Variants in STAU1 observed in about 807,000 individuals in gnomAD.
STAU1 encodes double-stranded RNA-binding protein Staufen homolog 1.
In STAU1, 13 loss-of-function variants were observed where a neutral mutation model predicts 62.9. The ratio of observed to expected loss-of-function variants is 0.21; its 90% CI spans 0.13 to 0.33. The LOEUF is 0.33. Among genes scored for constraint, STAU1 ranks in the 10% least tolerant of loss-of-function variants. STAU1 has a pLI of 1.00. For synonymous variants in STAU1, 269 were observed against 265.1 expected (o/e 1.01, Z -0.14); for missense variants, 571 against 712.1 (o/e 0.80, Z 2.25).
chr20:49,189,300 T>C (rs1176374181), upstream of STAU1, among the ~76,000 whole-genome samples: 6 of 149,588 alleles, frequency 4.0e-5, no homozygotes, highest in Non-Finnish European at 8.9e-5. Flanking sequence ...AAGTGGTTTT[T>C]AGCAGCTGTA....
At chr20:49,148,670 C>A (rs2093177915) in intron 5 of STAU1, among the ~76,000 whole-genome samples, 1 of 152,206 alleles carries the variant, frequency 6.6e-6, no homozygotes, top group Non-Finnish European at 1.5e-5. Flanking sequence ...GATTTAAACA[C>A]CACTCCCAGC....
At chr20:49,170,922 T>C (rs1239591124) in intron 2 of STAU1, among the ~76,000 whole-genome samples, 2 of 152,200 alleles carry the variant, frequency 1.3e-5, no homozygotes, top group Admixed American at 6.5e-5. Flanking sequence ...GATATACAGA[T>C]ACAAAGGAGC....
At chr20:49,216,129 C>G in the STAU1 span, among the ~76,000 whole-genome samples, 1 of 151,252 alleles carries the variant, frequency 6.6e-6, no homozygotes, top group South Asian at 2.1e-4. Context: ...GTGGCCCACA[C>G]CTATAGTTCC....
chr20:49,142,415 T>G (rs1305069003), intron 5 of STAU1, among the ~76,000 whole-genome samples: 3 of 152,148 alleles, frequency 2.0e-5, no homozygotes, highest in African/African-American at 4.8e-5. Flanking sequence ...AATAACAATT[T>G]ATACTAACGA....
upstream of STAU1, among the ~76,000 whole-genome samples, chr20:49,190,106 A>C (rs1006585172): frequency 5.9e-5 from 9 of 152,172 alleles, no homozygotes; most frequent in East Asian, 1.5e-3. Flanking sequence ...ACTTCCAAGC[A>C]GTGTGGATCC....
chr20:49,170,086 T>A (rs942217351), intron 2 of STAU1, among the ~76,000 whole-genome samples: 2 of 152,292 alleles, frequency 1.3e-5, no homozygotes, highest in Non-Finnish European at 2.9e-5. Flanking sequence ...AAGTTTTTTT[T>A]AAATTATACA....
At chr20:49,198,063 G>A in the STAU1 span, among the ~76,000 whole-genome samples, 1 of 151,904 alleles carries the variant, frequency 6.6e-6, no homozygotes, top group South Asian at 2.1e-4. Context: ...AAAACAAATG[G>A]GCAAAAGATC....
intron 9 of STAU1, 97 bp downstream of exon 9, chr20:49,119,885 G>C (rs2092423879): frequency 7.0e-7 from 1 of 1,427,518 alleles, no homozygotes; most frequent in Non-Finnish European, 9.5e-7. Flanking sequence ...CTGTCAGGCA[G>C]ATAAAGCCTT....
the STAU1 span, among the ~76,000 whole-genome samples, chr20:49,204,872 A>T: frequency 1.3e-5 from 2 of 150,386 alleles, no homozygotes; most frequent in South Asian, 2.1e-4. Flanking sequence ...CTGGTCTCAA[A>T]CTCCTGACCT....
At chr20:49,204,360 T>C in the STAU1 span, among the ~76,000 whole-genome samples, 2 of 151,862 alleles carry the variant, frequency 1.3e-5, no homozygotes, top group Non-Finnish European at 2.9e-5. Flanking sequence ...CTTCTGTGAC[T>C]TGTGTTTTTC....
the STAU1 span, among the ~76,000 whole-genome samples, chr20:49,198,642 C>G: frequency 6.6e-6 from 1 of 151,740 alleles, no homozygotes; most frequent in Admixed American, 6.6e-5. Context: ...CTAGCCTGGC[C>G]CACATGATAA....
chr20:49,135,992 G>T (rs922040055), intron 5 of STAU1, 61 bp from the exon 6 acceptor site: 1 of 1,334,844 alleles, frequency 7.5e-7, no homozygotes. Context: ...CAGGTGAGTT[G>T]GTTCATGCTT....
chr20:49,165,729 G>A (rs896263092), intron 3 of STAU1, among the ~76,000 whole-genome samples: 4 of 152,168 alleles, frequency 2.6e-5, no homozygotes, highest in African/African-American at 7.2e-5. Flanking sequence ...GCCAGCCACC[G>A]CTCTTTAACA....
chr20:49,153,924 A>ACC lies in STAU1; in HGVS notation c.344+8_344+9insGG, dbSNP rs746423926. The ACC allele has an allele frequency of 2.0e-6, 3 of 1,533,752 alleles. No homozygotes were observed. The highest frequency in any genetic ancestry group is 2.6e-6 in the Non-Finnish European group (3 of 1,147,394). Reference sequence around the variant, plus strand: ...TATTTTACAAAAAAAAAAAAAAAAAAACACATACCTCGGGGGATAAGCACC... The same window carrying ACC: ...TATTTTACAAAAAAAAAAAAAAAAAACCACACATACCTCGGGGGATAAGCACC... On this transcript the variant is annotated intron_variant, in intron 4 of 13. Transcript: ENST00000371856.
chr20:49,169,710 T>C (rs1285059392), intron 2 of STAU1, among the ~76,000 whole-genome samples: 2 of 152,208 alleles, frequency 1.3e-5, no homozygotes, highest in Non-Finnish European at 2.9e-5. Context: ...TGAATTGTGT[T>C]GTGCTGCCAT....
chr20:49,178,922 A>C (rs1600875886), intron 1 of STAU1, among the ~76,000 whole-genome samples: 1 of 149,838 alleles, frequency 6.7e-6, no homozygotes, highest in South Asian at 2.1e-4. Context: ...AAAAAAAAAA[A>C]AAAAAACAAC....
At chr20:49,165,819 CCT>C (rs10547709) in intron 3 of STAU1, among the ~76,000 whole-genome samples, 176 bp downstream of exon 3, 58,052 of 151,834 alleles carry the variant, frequency 0.38, 11,158 homozygotes, top group Middle Eastern at 0.48. Context: ...AACTGAGGCC[CCT>C]GTCAACCCCT....
chr20:49,206,344 A>C, the STAU1 span, among the ~76,000 whole-genome samples: 1 of 151,202 alleles, frequency 6.6e-6, no homozygotes, highest in Admixed American at 6.6e-5. Context: ...TTAGAGAGTC[A>C]AATAATTTTA....
intron 3 of STAU1, among the ~76,000 whole-genome samples, chr20:49,165,484 C>A (rs2093511718): frequency 6.6e-6 from 1 of 152,030 alleles, no homozygotes; most frequent in African/African-American, 2.4e-5. Context: ...TATGGGCGTG[C>A]ATCACCAAGC....
Sources: gnomAD v4.1 joint callset for allele counts (sites outside exome capture counted in the v4.1 genomes callset) on GRCh38, gnomAD v4.1.1 for gene constraint, MANE v1.5 for transcripts, NCBI Gene and HGNC (gene_info 2026-07-23, HGNC 2026-07-21) for gene names.